Variants in HIPK1 observed in about 807,000 individuals in gnomAD.
HIPK1 encodes homeodomain interacting protein kinase 1.
A neutral mutation model predicts 117.1 loss-of-function variants in HIPK1; 28 were observed. The ratio of observed to expected loss-of-function variants is 0.24; its 90% CI spans 0.18 to 0.33. The LOEUF (loss-of-function observed/expected upper bound fraction) is 0.33, where lower values mean the gene tolerates loss of function less well. Among genes scored for constraint, HIPK1 ranks in the 10% least tolerant of loss-of-function variants. The pLI is 1.00. For missense variants in HIPK1, 1,122 were observed against 1,475.1 expected, an observed-to-expected ratio of 0.76 and a Z score of 3.92; for synonymous variants, 605 against 562.5, an observed-to-expected ratio of 1.08 and a Z score of -1.07.
intron 15 of HIPK1, 160 bp downstream of exon 15, chr1:113,972,114 T>C (rs1373098265): frequency 6.4e-7 from 1 of 1,570,508 alleles, no homozygotes; most frequent in East Asian, 2.3e-5. Flanking sequence ...ATATGCTGTG[T>C]CTCTTCATTC....
intron 8 of HIPK1, among the ~76,000 whole-genome samples, chr1:113,961,145 A>T (rs1311517846): frequency 6.6e-6 from 1 of 152,224 alleles, no homozygotes; most frequent in Non-Finnish European, 1.5e-5. Flanking sequence ...TGACAAAAAG[A>T]ATTGTCTTTA....
intron 9 of HIPK1, among the ~76,000 whole-genome samples, chr1:113,962,900 C>T (rs1672217592): frequency 6.6e-6 from 1 of 152,192 alleles, no homozygotes; most frequent in Admixed American, 6.5e-5. Flanking sequence ...TCACATATTA[C>T]ATTCCTTCAT....
rs1571735319 is a variant in HIPK1 at position 113,971,674 on chromosome 1, G to C, written c.3014-150G>C. The C allele has an allele frequency of 5.2e-6, 3 of 579,732 alleles. No individual in the cohort carries two copies. The East Asian group carries it at 1.0e-4, about 20-fold the overall frequency. 35.9% of individuals were successfully genotyped at this position (579,732 alleles called of 1,614,324 possible). On this transcript the variant is annotated intron_variant, in intron 14 of 15. Transcript: ENST00000426820. The stretch of plus-strand genomic sequence containing the variant: ...TTTGTGCCAAGACAGAAAAGAAATG[G>C]GTGATAACAGGTTATTTTCTTCTGA...
chr1:113,954,509 G>C, intron 3 of HIPK1, 142 bp from the exon 4 acceptor site: 1 of 770,068 alleles, frequency 1.3e-6, no homozygotes, highest in Admixed American at 2.6e-5. Flanking sequence ...AGTATATATA[G>C]GTATTTACAG....
Position 113,966,289 on chromosome 1 carries a change from A to T in HIPK1, c.2381+17A>T, listed in dbSNP as rs988791675. On this transcript the variant is annotated intron_variant, in intron 11 of 15. Transcript: ENST00000426820. ...TGACTGGAGGCAAGTGTCCTGTGTT[A>T]CTCTGGGAGATTTGTAAGGGCCGAT... is the stretch of plus-strand genomic sequence containing the variant. 1.0e-5 allele frequency: 16 copies of T among 1,602,956 alleles called. No individual in the cohort carries two copies. Among genetic ancestry groups the T allele is most frequent in the Non-Finnish European group, 1.4e-5 (16 of 1,174,668 alleles).
chr1:113,929,553 C>A (rs1196675746), intron 1 of HIPK1, 21 bp downstream of exon 1: 2 of 1,281,426 alleles, frequency 1.6e-6, no homozygotes, highest in African/African-American at 1.5e-5. Flanking sequence ...TGGCGCGGGG[C>A]GGGTGAATAG....
Position 113,955,544 on chromosome 1 carries a change from G to A in HIPK1, c.1321-19G>A. On this transcript the variant is annotated intron_variant, in intron 4 of 15. Transcript: ENST00000426820. The stretch of plus-strand genomic sequence containing the variant: ...TAACATACAGATGGAATTTAAGGAG[G>A]AAAATCTTTATTTTATAGACACCTG... 1 of 1,406,104 alleles carries A rather than the reference G, an allele frequency of 7.1e-7. No homozygotes were observed. Among genetic ancestry groups the A allele is most frequent in the Non-Finnish European group, 1.0e-6 (1 of 1,004,816 alleles). The allele number at this position is 1,406,104 out of a possible 1,614,324, so 87.1% of individuals were successfully genotyped here.
chr1:113,966,805 C>T (rs184448755), intron 11 of HIPK1, among the ~76,000 whole-genome samples: 53 of 151,884 alleles, frequency 3.5e-4, no homozygotes, highest in African/African-American at 1.2e-3. Context: ...ACTATAATCA[C>T]CTATTGCGCT....
At chr1:113,963,306 T>C (rs1395475813) in intron 9 of HIPK1, 81 bp from the exon 10 acceptor site, 3 of 1,485,030 alleles carry the variant, frequency 2.0e-6, no homozygotes, top group Non-Finnish European at 2.8e-6. Context: ...CAGTAATAAC[T>C]TGGGGGGAAT....
chr1:113,969,898 C>T lies in HIPK1; in HGVS notation c.2772-58C>T, dbSNP rs865872754. 28 of 1,585,584 alleles carry T rather than the reference C, an allele frequency of 1.8e-5. No homozygotes were observed. The East Asian group carries it at 2.5e-4, about 14-fold the overall frequency. On this transcript the variant is annotated intron_variant, in intron 13 of 15. Coordinates refer to ENST00000426820, the MANE Select transcript of HIPK1 (RefSeq NM_198268.3). ...CTCCAGCCTGGGTGACAGAACAAGA[C>T]GCTGTCACACACACAAAAAAGAACA...
chr1:113,943,323 ACTTT>A (rs1308820886), intron 2 of HIPK1, among the ~76,000 whole-genome samples: 1 of 152,164 alleles, frequency 6.6e-6, no homozygotes, highest in Non-Finnish European at 1.5e-5. Context: ...TCTTGATTTG[ACTTT>A]CTGTCTCTAT....
rs1420153702 is a variant in HIPK1, at chr1:113,940,791, G to A, written c.408G>A (p.Val136=). The change falls in exon 2 of 16, where the codon GTG becomes GTA. Residue 136 remains valine (V), a synonymous_variant. Transcript: ENST00000426820. The part of the protein sequence containing the change: ...KSEEVDSNGS[V]QIIEEHPPLM... The stretch of plus-strand genomic sequence containing the variant: ...AGGAAGTTGACAGCAACGGTAGTGT[G>A]CAGATCATAGAAGAACATCCCCCTC... 13 of 1,613,974 alleles carry A rather than the reference G, an allele frequency of 8.1e-6. No homozygotes were observed. The highest frequency in any genetic ancestry group is 1.1e-5 in the Non-Finnish European group (13 of 1,180,048).
intron 1 of HIPK1, among the ~76,000 whole-genome samples, chr1:113,939,769 G>C (rs923181369): frequency 2.6e-5 from 4 of 152,128 alleles, no homozygotes; most frequent in Non-Finnish European, 5.9e-5. Context: ...TGCTATGTCA[G>C]ATGTTTGGAC....
chr1:113,956,775 C>G lies in HIPK1; in HGVS notation c.1556C>G (p.Thr519Arg). 6.2e-7 allele frequency: 1 copy of G among 1,614,090 alleles called. No individual in the cohort carries two copies. The highest frequency in any genetic ancestry group is 8.5e-7 in the Non-Finnish European group (1 of 1,179,968). ...PLKTLNHQFV[T>R]MTHLLDFPHS... Reference sequence around the variant, plus strand: ...AAAACTCTTAACCATCAGTTTGTGACAATGACTCACCTTTTGGATTTTCCA... The same window carrying G: ...AAAACTCTTAACCATCAGTTTGTGAGAATGACTCACCTTTTGGATTTTCCA... Residue 519 changes from threonine to arginine, a missense_variant, in exon 6 of 16, where the codon ACA (threonine) becomes AGA (arginine). Around this residue, in one of 6 missense-constraint regions of HIPK1, gnomAD observed 731 missense variants for 860.4 expected, o/e 0.85. Transcript: ENST00000426820.
Position 113,958,125 on chromosome 1 carries a change from A to G in HIPK1, c.1815A>G (p.Ser605=), listed in dbSNP as rs1191764370. 1.2e-6 allele frequency: 2 copies of G among 1,614,184 alleles called. No homozygotes were observed. The highest frequency in any genetic ancestry group is 2.2e-5 in the East Asian group (1 of 44,880). ...AAAATLSLAN[S]DVSLLNYQSA... The stretch of plus-strand genomic sequence containing the variant: ...CTGCTACTCTTTCTCTGGCTAATTC[A>G]GATGTCTCACTACTAAACTACCAGT... Residue 605 remains serine (S), a synonymous_variant, in exon 8 of 16, where the codon TCA becomes TCG. Transcript: ENST00000426820.
intron 1 of HIPK1, among the ~76,000 whole-genome samples, chr1:113,939,650 T>C (rs967758776): frequency 1.3e-5 from 2 of 152,010 alleles, no homozygotes; most frequent in African/African-American, 4.8e-5. Flanking sequence ...GGAGTAATTA[T>C]TAAAAAGGGG....
In HIPK1 at chr1:113,973,631, C is replaced by G. The variant is rs1241162776; in HGVS notation, c.*119C>G. 8.4e-7 allele frequency: 1 copy of G among 1,191,538 alleles called. No homozygotes were observed. Among genetic ancestry groups the G allele is most frequent in the African/African-American group, 1.5e-5 (1 of 65,014 alleles). 73.8% of individuals were successfully genotyped at this position (1,191,538 alleles called of 1,614,324 possible). On this transcript the variant is annotated 3_prime_UTR_variant, in exon 16 of 16. Coordinates refer to ENST00000426820, the MANE Select transcript of HIPK1 (RefSeq NM_198268.3). Reference sequence around the variant, plus strand: ...GAAATTTCTTAGCCAGCAACTTGTTCTGCAGGGGCCCACTGAAGCAGAAGG... The same window carrying G: ...GAAATTTCTTAGCCAGCAACTTGTTGTGCAGGGGCCCACTGAAGCAGAAGG...
rs749346995 is a variant in HIPK1 at position 113,958,213 on chromosome 1, C to G, written c.1903C>G (p.Gln635Glu). Reference protein sequence around the residue: ...PGVAQQGVSLQPGTTQICTQT... With the variant: ...PGVAQQGVSLEPGTTQICTQT... ...AGTTGCCCAGCAGGGTGTTTCCTTGCAGCCTGGAACCACCCAGATTTGCAC... is the reference window on the plus strand; with the variant it reads ...AGTTGCCCAGCAGGGTGTTTCCTTGGAGCCTGGAACCACCCAGATTTGCAC... Residue 635 changes from glutamine to glutamate, a missense_variant, in exon 8 of 16, where the codon CAG (glutamine) becomes GAG (glutamate). By Grantham distance (29) the Gln-to-Glu change is conservative (BLOSUM62 2). Around this residue, in one of 6 missense-constraint regions of HIPK1, gnomAD observed 731 missense variants for 860.4 expected, o/e 0.85. Transcript: ENST00000426820. 1.1e-5 allele frequency: 18 copies of G among 1,614,054 alleles called. No individual in the cohort carries two copies. Among genetic ancestry groups the G allele is most frequent in the Non-Finnish European group, 1.4e-5 (17 of 1,180,036 alleles).
intron 10 of HIPK1, 28 bp from the exon 11 acceptor site, chr1:113,966,102 G>A: frequency 6.2e-7 from 1 of 1,600,632 alleles, no homozygotes; most frequent in Non-Finnish European, 8.5e-7. Context: ...ATCAAGTCTG[G>A]ATGTTTTTTA....
Sources: gnomAD v4.1 joint callset for allele counts (sites outside exome capture counted in the v4.1 genomes callset) on GRCh38, gnomAD v4.1.1 for gene constraint, gnomAD v4.1.1 regional missense constraint, MANE v1.5 for transcripts, NCBI Gene and HGNC (gene_info 2026-07-23, HGNC 2026-07-21) for gene names.